Variants in PSMD10 observed in about 807,000 individuals in gnomAD.
PSMD10 encodes 26S proteasome non-ATPase regulatory subunit 10.
Under a neutral mutation model 13.2 loss-of-function variants are expected in PSMD10, and 2 were observed. The ratio of observed to expected loss-of-function variants is 0.15; its 90% CI spans 0.06 to 0.48. The LOEUF is 0.48. PSMD10 is among the 20% of genes least tolerant of loss of function. The pLI is 0.97. For synonymous variants in PSMD10, 66 were observed against 64.4 expected, an observed-to-expected ratio of 1.03 and a Z score of -0.12; for missense variants, 120 against 167.4, an observed-to-expected ratio of 0.72 and a Z score of 1.56.
rs2147940851 is a variant in PSMD10, at chrX:108,085,037, C to G, written c.618G>C (p.Lys206Asn). The G allele has an allele frequency of 8.3e-7, 1 of 1,209,617 alleles. No individual in the cohort carries two copies. Among genetic ancestry groups the G allele is most frequent in the Non-Finnish European group, 1.1e-6 (1 of 894,480 alleles). ...CACCTTTGGCCACTTGCAGGGGTGT[C>G]TTTTCTTCTTTATTCTCAATGTAAA... ...ASIYIENKEE[K>N]TPLQVAKGGL... Residue 206 changes from lysine (K) to asparagine (N), a missense_variant, in exon 5 of 5, where the codon AAG becomes AAC. By Grantham distance (94) the Lys-to-Asn change is moderately conservative. Transcript: ENST00000217958.
chrX:108,088,095 C>A lies in PSMD10; in HGVS notation c.218G>T (p.Gly73Val), dbSNP rs775871261. Residue 73 changes from glycine to valine, a missense_variant, in exon 3 of 5, where the codon GGT becomes GTT. Gly to Val is a moderately radical substitution (Grantham distance 109). Coordinates refer to ENST00000217958, the MANE Select transcript of PSMD10 (RefSeq NM_002814.4). ...AGCCGCAATATGAAGAGGAGACCAA[C>A]CTGCCTATAAAAGAAGTAGGTAGTA... ...GVPVNDKDDA[G>V]WSPLHIAASA... 7 of 1,201,487 alleles carry A rather than the reference C, an allele frequency of 5.8e-6. No homozygotes were observed. The highest frequency in any genetic ancestry group is 7.9e-6 in the Non-Finnish European group (7 of 889,066).
chrX:108,091,409 G>T lies in PSMD10; in HGVS notation c.112C>A (p.Gln38Lys). 8.3e-7 allele frequency: 1 copy of T among 1,209,406 alleles called. No individual in the cohort carries two copies. The highest frequency in any genetic ancestry group is 1.1e-6 in the Non-Finnish European group (1 of 892,928). ...ADKSLATRTDQDSRTALHWAC... is the reference protein window; with the variant it reads ...ADKSLATRTDKDSRTALHWAC... ...GGAGAGACCTAGCGTTGCTTTACCT[G>T]GTCAGTTCTAGTAGCCAGGGATTTA... The change falls in exon 1 of 5, where the codon CAG (glutamine) becomes AAG (lysine). Residue 38 changes from glutamine (Q) to lysine (K), a missense_variant and splice_region_variant. Physicochemically the swap from Gln to Lys is moderately conservative, Grantham distance 53 (BLOSUM62 1). Around this residue, in one of 3 missense-constraint regions of PSMD10, gnomAD observed 32 missense variants for 26.2 expected, o/e 1.22. Transcript: ENST00000217958.
At chrX:108,089,602 G>A (rs2031540080) in intron 1 of PSMD10, among the ~76,000 whole-genome samples, 1 of 111,923 alleles carries the variant, frequency 8.9e-6, no homozygotes, top group Non-Finnish European at 1.9e-5. Context: ...GGGAGGCTGA[G>A]GTGGGCAGAT....
Position 108,085,006 on chromosome X carries a change from C to G in PSMD10, c.649G>C (p.Gly217Arg). Reference sequence around the variant, plus strand: ...TCCACCATTCTCTTGAGTATTAAACCCAGGCCACCTTTGGCCACTTGCAGG... The same window carrying G: ...TCCACCATTCTCTTGAGTATTAAACGCAGGCCACCTTTGGCCACTTGCAGG... ...TPLQVAKGGL[G>R]LILKRMVEG Residue 217 changes from glycine (G) to arginine (R), a missense_variant, in exon 5 of 5, where the codon GGT becomes CGT. Transcript: ENST00000217958. 8.3e-7 allele frequency: 1 copy of G among 1,206,287 alleles called. No individual in the cohort carries two copies. The highest frequency in any genetic ancestry group is 1.1e-6 in the Non-Finnish European group (1 of 893,048).
Position 108,091,524 on chromosome X carries a change from G to A in PSMD10, c.-4C>T, listed in dbSNP as rs748170259. 8.3e-7 allele frequency: 1 copy of A among 1,206,440 alleles called. No homozygotes were observed. The highest frequency in any genetic ancestry group is 1.1e-6 in the Non-Finnish European group (1 of 890,344). The stretch of plus-strand genomic sequence containing the variant: ...GGTTAGACACACACCCCTCCATTTC[G>A]CTGTCCCAGCAACTACTTGTCGCGC... On this transcript the variant is annotated 5_prime_UTR_variant, in exon 1 of 5. Coordinates refer to ENST00000217958, the MANE Select transcript of PSMD10 (RefSeq NM_002814.4).
At chrX:108,087,494 A>C in intron 4 of PSMD10, 192 bp downstream of exon 4, 1 of 492,117 alleles carries the variant, frequency 2.0e-6, no homozygotes. Flanking sequence ...ATACACAAGA[A>C]TGTGATCAGT....
chrX:108,087,548 T>C, intron 4 of PSMD10, 138 bp downstream of exon 4: 1 of 887,030 alleles, frequency 1.1e-6, no homozygotes, highest in Non-Finnish European at 1.5e-6. Flanking sequence ...TTTATCTTTA[T>C]ATTTTGTGCA....
At chrX:108,088,419 G>A in intron 2 of PSMD10, 1 of 302,024 alleles carries the variant, frequency 3.3e-6, no homozygotes, top group East Asian at 5.6e-5. Context: ...GTTTATTTTT[G>A]TTTTTTTATT....
At chrX:108,090,713 G>T (rs2147944323) in intron 1 of PSMD10, among the ~76,000 whole-genome samples, 1 of 112,194 alleles carries the variant, frequency 8.9e-6, no homozygotes, top group Admixed American at 9.4e-5. Flanking sequence ...AGAAACTGAG[G>T]ATGAAAGCAC....
intron 2 of PSMD10, 53 bp from the exon 3 acceptor site, chrX:108,088,152 G>C (rs1208567425): frequency 9.0e-7 from 1 of 1,112,071 alleles, no homozygotes. Context: ...ACAAGGATTA[G>C]TGCTAACATT....
chrX:108,088,823 A>G lies in PSMD10; in HGVS notation c.142T>C (p.Cys48Arg). 1 of 1,199,766 alleles carries G rather than the reference A, an allele frequency of 8.3e-7. No individual in the cohort carries two copies. The highest frequency in any genetic ancestry group is 1.1e-6 in the Non-Finnish European group (1 of 886,283). ...ACAATTTCTGTATGTCCAGCTGAGC[A>G]TGCCCAGTGCAATGCAGTTCTGCTG... ...QDSRTALHWA[C>R]SAGHTEIVEF... The change falls in exon 2 of 5, where the codon TGC (cysteine) becomes CGC (arginine). Residue 48 changes from cysteine (C) to arginine (R), a missense_variant. Around this residue, in one of 3 missense-constraint regions of PSMD10, gnomAD observed 68 missense variants for 124.8 expected, o/e 0.54. Transcript: ENST00000217958.
Position 108,091,346 on chromosome X carries a change from C to G in PSMD10, c.114+61G>C, listed in dbSNP as rs908068341. ...CGGGGCCTCCGCTAGGGCCGGGCCC[C>G]GAAAGCCACGTAGGGCTTCGCCGAC... On this transcript the variant is annotated intron_variant, in intron 1 of 4. Coordinates refer to ENST00000217958, the MANE Select transcript of PSMD10 (RefSeq NM_002814.4). 36 of 1,100,232 alleles carry G rather than the reference C, an allele frequency of 3.3e-5. No homozygotes were observed. In the African/African-American group the frequency reaches 6.1e-4, roughly 19 times the overall value. The allele number at this position is 1,100,232 out of a possible 1,213,427, so 90.7% of individuals were successfully genotyped here.
chrX:108,087,934 G>C lies in PSMD10; in HGVS notation c.360+19C>G. On this transcript the variant is annotated intron_variant, in intron 3 of 4. Coordinates refer to ENST00000217958, the MANE Select transcript of PSMD10 (RefSeq NM_002814.4). ...ACACGTTTAGAACTCAACAGAAGTA[G>C]CCTAGGATGGAACCATACCTCATGC... 6 of 1,211,747 alleles carry C rather than the reference G, an allele frequency of 5.0e-6. No individual in the cohort carries two copies. Among genetic ancestry groups the C allele is most frequent in the Non-Finnish European group, 6.7e-6 (6 of 895,343 alleles).
chrX:108,089,832 T>A (rs904186116), intron 1 of PSMD10, among the ~76,000 whole-genome samples: 14 of 111,377 alleles, frequency 1.3e-4, no homozygotes, highest in African/African-American at 4.6e-4. Flanking sequence ...AAACTCTGTT[T>A]CAAAAAATAA....
rs2031613920 is a variant in PSMD10, at chrX:108,091,395, G to T, written c.114+12C>A. On this transcript the variant is annotated intron_variant, in intron 1 of 4. Coordinates refer to ENST00000217958, the MANE Select transcript of PSMD10 (RefSeq NM_002814.4). ...ACGTCGCCGACTGCGGAGAGACCTAGCGTTGCTTTACCTGGTCAGTTCTAG... is the reference window on the plus strand; with the variant it reads ...ACGTCGCCGACTGCGGAGAGACCTATCGTTGCTTTACCTGGTCAGTTCTAG... 4.2e-6 allele frequency: 5 copies of T among 1,201,697 alleles called. No homozygotes were observed. The highest frequency in any genetic ancestry group is 4.5e-6 in the Non-Finnish European group (4 of 885,899).
rs749852206 is a variant in PSMD10, at chrX:108,088,899, G to A, written c.115-49C>T. 1.8e-5 allele frequency: 18 copies of A among 978,100 alleles called. No homozygotes were observed. In the South Asian group the frequency reaches 3.4e-4, roughly 18 times the overall value. 80.6% of individuals were successfully genotyped at this position (978,100 alleles called of 1,213,427 possible). ...CATTCTTGAAATAGAAGGCAAAAAA[G>A]CAAGAAAAAAAATACTGGTGCTGGC... On this transcript the variant is annotated intron_variant, in intron 1 of 4. Coordinates refer to ENST00000217958, the MANE Select transcript of PSMD10 (RefSeq NM_002814.4).
chrX:108,091,267 G>T, intron 1 of PSMD10, 140 bp downstream of exon 1: 1 of 531,747 alleles, frequency 1.9e-6, no homozygotes, highest in South Asian at 2.8e-5. Flanking sequence ...GTCCCGAGGT[G>T]ACCCAGGGGG....
intron 2 of PSMD10, 74 bp downstream of exon 2, chrX:108,088,678 G>T: frequency 1.2e-6 from 1 of 842,075 alleles, no homozygotes; most frequent in Non-Finnish European, 1.7e-6. Flanking sequence ...TTAATGCACA[G>T]GCTTCAGTAA....
intron 4 of PSMD10, 94 bp from the exon 5 acceptor site, chrX:108,085,221 A>G (rs1461784560): frequency 3.6e-6 from 3 of 831,100 alleles, no homozygotes; most frequent in African/African-American, 2.1e-5. Flanking sequence ...GCATATGATT[A>G]AGAAATGGTA....
Sources: allele counts gnomAD v4.1 joint callset (sites outside exome capture counted in the v4.1 genomes callset), GRCh38; gene constraint gnomAD v4.1.1; regional missense constraint gnomAD v4.1.1; transcripts MANE v1.5; gene names NCBI Gene and HGNC (gene_info 2026-07-23, HGNC 2026-07-21).